The following NR1H4 variants were observed in gnomAD, a reference collection of about 807,000 sequenced individuals.
The protein encoded by NR1H4 is bile acid receptor.
A neutral mutation model predicts 58.5 loss-of-function variants in NR1H4; 23 were observed. The observed-to-expected ratio is 0.39, with a 90% CI of 0.28 to 0.56. NR1H4 has a LOEUF of 0.56. Among genes scored for constraint, NR1H4 ranks in the 20% least tolerant of loss-of-function variants. NR1H4 has a pLI of 0.58. For missense variants in NR1H4, 487 were observed against 576.9 expected (o/e 0.84, Z 1.60); for synonymous variants, 214 against 198.0 (o/e 1.08, Z -0.68).
chr12:100,534,156 G>A (rs954191230), intron 5 of NR1H4, among the ~76,000 whole-genome samples: 1 of 152,058 alleles, frequency 6.6e-6, no homozygotes, highest in African/African-American at 2.4e-5. Context: ...GCCTCCCAAA[G>A]TGCTGGGATT....
intron 3 of NR1H4, among the ~76,000 whole-genome samples, chr12:100,507,070 TCTC>T (rs1358171966): frequency 2.0e-5 from 3 of 152,280 alleles, no homozygotes; most frequent in Admixed American, 2.0e-4. Flanking sequence ...AAAGTACACA[TCTC>T]CTTGGATGCT....
intron 9 of NR1H4, among the ~76,000 whole-genome samples, chr12:100,550,483 G>A (rs1955179974): frequency 1.3e-5 from 2 of 152,066 alleles, no homozygotes. Context: ...TCCAGCCTCA[G>A]CCTCCTGAGA....
chr12:100,534,921 G>A lies in NR1H4; in HGVS notation c.630G>A (p.Lys210=). ...GLLTEIQCKS[K]RLRKNVKQHA... ...TAACTGAAATTCAGTGTAAATCTAA[G>A]CGACTGAGAAAAAATGTGAAGCAGC... is the stretch of plus-strand genomic sequence containing the variant. Residue 210 remains lysine (K), a synonymous_variant, in exon 6 of 11, where the codon AAG becomes AAA. Transcript: ENST00000392986. 1.2e-6 allele frequency: 2 copies of A among 1,614,176 alleles called. No individual in the cohort carries two copies. Among genetic ancestry groups the A allele is most frequent in the Non-Finnish European group, 1.7e-6 (2 of 1,180,020 alleles).
chr12:100,520,497 A>G (rs1458950268), intron 4 of NR1H4, among the ~76,000 whole-genome samples: 1 of 152,134 alleles, frequency 6.6e-6, no homozygotes, highest in East Asian at 1.9e-4. Context: ...TCAGGAAGCC[A>G]CCTCAGGACT....
intron 4 of NR1H4, 135 bp downstream of exon 4, chr12:100,511,278 C>T: frequency 9.8e-7 from 1 of 1,022,316 alleles, no homozygotes. Context: ...CCTCCTACAT[C>T]CTCACCTTTG....
intron 4 of NR1H4, among the ~76,000 whole-genome samples, chr12:100,513,351 C>T (rs545828120): frequency 2.2e-4 from 34 of 152,146 alleles, no homozygotes; most frequent in African/African-American, 8.0e-4. Flanking sequence ...TTCCCATCTC[C>T]GAATGATAAA....
intron 4 of NR1H4, among the ~76,000 whole-genome samples, chr12:100,517,710 T>C (rs1954303547): frequency 6.6e-6 from 1 of 152,224 alleles, no homozygotes. Flanking sequence ...GATTTATTGA[T>C]AGTCATTCTA....
At chr12:100,535,047 C>T (rs1176300512) in intron 6 of NR1H4, 24 bp downstream of exon 6, 4 of 1,613,808 alleles carry the variant, frequency 2.5e-6, no homozygotes, top group Non-Finnish European at 3.4e-6. Context: ...ATGGTGTCTG[C>T]CAAGACTGGC....
At chr12:100,507,049 T>C (rs539233004) in intron 3 of NR1H4, among the ~76,000 whole-genome samples, 1 of 152,174 alleles carries the variant, frequency 6.6e-6, no homozygotes, top group Non-Finnish European at 1.5e-5. Flanking sequence ...AATTGTCATA[T>C]GAGGAGAAAA....
chr12:100,489,891 T>C (rs867457106), intron 1 of NR1H4, among the ~76,000 whole-genome samples: 1 of 152,166 alleles, frequency 6.6e-6, no homozygotes, highest in African/African-American at 2.4e-5. Flanking sequence ...CTGACTTGAG[T>C]GGACCCTGCT....
intron 4 of NR1H4, among the ~76,000 whole-genome samples, chr12:100,526,453 G>A (rs1954560002): frequency 6.6e-6 from 1 of 152,024 alleles, no homozygotes; most frequent in Non-Finnish European, 1.5e-5. Flanking sequence ...AGAAACCTTT[G>A]TGATGTAAGA....
At chr12:100,484,218 A>C (rs1339875934) in intron 1 of NR1H4, among the ~76,000 whole-genome samples, 3 of 152,178 alleles carry the variant, frequency 2.0e-5, no homozygotes, top group South Asian at 4.1e-4. Flanking sequence ...GAACTAGTGC[A>C]TGTAATCGGT....
chr12:100,535,861 G>A (rs1954801358), intron 6 of NR1H4, among the ~76,000 whole-genome samples: 1 of 152,164 alleles, frequency 6.6e-6, no homozygotes, highest in Non-Finnish European at 1.5e-5. Flanking sequence ...GGTCTGAATT[G>A]TCCAGATTGT....
intron 1 of NR1H4, among the ~76,000 whole-genome samples, chr12:100,483,232 A>G (rs969133689): frequency 2.0e-5 from 3 of 152,102 alleles, no homozygotes; most frequent in African/African-American, 7.2e-5. Context: ...GGCCTGTCAT[A>G]GTTCTTGACA....
intron 1 of NR1H4, among the ~76,000 whole-genome samples, chr12:100,484,411 G>A (rs1953446886): frequency 6.6e-6 from 1 of 152,152 alleles, no homozygotes; most frequent in Non-Finnish European, 1.5e-5. Context: ...TAACCAGAAA[G>A]TGGGAGTCCA....
At position 100,488,052 on chromosome 12, in the gene NR1H4, G is replaced by A. The variant is rs149343283; in HGVS notation, c.-189-4451G>A. Among the ~76,000 whole-genome samples the A allele has an allele frequency of 1.7e-3, 261 of 152,010 alleles. 1 individual carries two copies. Among genetic ancestry groups the A allele is most frequent in the African/African-American group, 6.0e-3 (249 of 41,434 alleles). On this transcript the variant is annotated intron_variant, in intron 1 of 10. Coordinates refer to ENST00000392986, the MANE Select transcript of NR1H4 (RefSeq NM_001206979.2). Reference sequence around the variant, plus strand: ...GAATCTCACTCTGTTTCCCAGGTTAGTGCAGTGGTGCAATTTTGGGTCACT... The same window carrying A: ...GAATCTCACTCTGTTTCCCAGGTTAATGCAGTGGTGCAATTTTGGGTCACT...
chr12:100,475,124 C>CTATCTAT (rs149156136), intron 1 of NR1H4, among the ~76,000 whole-genome samples: 177 of 143,210 alleles, frequency 1.2e-3, no homozygotes, highest in African/African-American at 1.9e-3. Flanking sequence ...AAGTGGTTTA[C>CTATCTAT]CTATCTATCT....
In NR1H4 at chr12:100,526,526, G is replaced by A. The variant is rs114401166; in HGVS notation, c.446-5932G>A. Among the ~76,000 whole-genome samples the A allele has an allele frequency of 6.5e-3, 990 of 152,122 alleles. 10 individuals are homozygous for A. Among genetic ancestry groups the A allele is most frequent in the African/African-American group, 0.022 (896 of 41,496 alleles). ...TCTCTTCTAAGCTCACAACTCTCCC[G>A]GCTGATGTGAAATTCATCTGGTCTA... On this transcript the variant is annotated intron_variant, in intron 4 of 10. Coordinates refer to ENST00000392986, the MANE Select transcript of NR1H4 (RefSeq NM_001206979.2).
chr12:100,491,015 G>T lies in NR1H4; in HGVS notation c.-189-1488G>T, dbSNP rs1008527972. On this transcript the variant is annotated intron_variant, in intron 1 of 10. Transcript: ENST00000392986. ...TTGTCATGTTGCCCAGGCTGGTCTC[G>T]AACTCTTGGGCTTGAGTGATTCTCC... Among the ~76,000 whole-genome samples, 3 of 152,138 alleles carry T rather than the reference G, an allele frequency of 2.0e-5. No individual in the cohort carries two copies. In the East Asian group the frequency reaches 5.8e-4, roughly 29 times the overall value.
Sources: allele counts gnomAD v4.1 joint callset (sites outside exome capture counted in the v4.1 genomes callset), GRCh38; gene constraint gnomAD v4.1.1; transcripts MANE v1.5; gene names NCBI Gene and HGNC (gene_info 2026-07-23, HGNC 2026-07-21).